UNC13C: variants seen among roughly 807,000 people sequenced by gnomAD.
The protein encoded by UNC13C is protein unc-13 homolog C.
A neutral mutation model predicts 245.4 loss-of-function variants in UNC13C; 174 were observed. The observed-to-expected ratio is 0.71, with a 90% CI of 0.63 to 0.80. The LOEUF (loss-of-function observed/expected upper bound fraction) is 0.80. Ranked by LOEUF, UNC13C falls within the 30% of genes least tolerant of loss-of-function variation. The pLI is 0.00. For missense variants in UNC13C, 2,829 were observed against 2,602.9 expected, an observed-to-expected ratio of 1.09 and a Z score of -1.89; for synonymous variants, 992 against 895.1, an observed-to-expected ratio of 1.11 and a Z score of -1.93.
chr15:54,225,485 T>A (rs1466562415), intron 4 of UNC13C, among the ~76,000 whole-genome samples: 1 of 152,236 alleles, frequency 6.6e-6, no homozygotes, highest in Non-Finnish European at 1.5e-5. Flanking sequence ...TCTGATTTCC[T>A]TGAGTGGTGG....
At chr15:54,224,843 AG>A (rs2035329562) in intron 4 of UNC13C, among the ~76,000 whole-genome samples, 1 of 152,116 alleles carries the variant, frequency 6.6e-6, no homozygotes, top group Non-Finnish European at 1.5e-5. Context: ...TGGTCTGTTC[AG>A]GTCTTGAATC....
intron 7 of UNC13C, among the ~76,000 whole-genome samples, chr15:54,249,068 A>T (rs992628759): frequency 6.6e-6 from 1 of 152,198 alleles, no homozygotes; most frequent in Non-Finnish European, 1.5e-5. Context: ...ATATCCATTC[A>T]TTATGCATCA....
intron 4 of UNC13C, among the ~76,000 whole-genome samples, chr15:54,218,549 G>C (rs1420406951): frequency 6.6e-6 from 1 of 151,960 alleles, no homozygotes; most frequent in Non-Finnish European, 1.5e-5. Flanking sequence ...AGGATGGCTG[G>C]AACAATGAAG....
At chr15:54,167,500 C>CAAAAAAA (rs67762910) in intron 4 of UNC13C, among the ~76,000 whole-genome samples, 1 of 90,652 alleles carries the variant, frequency 1.1e-5, no homozygotes. Context: ...ACACTCGTCT[C>CAAAAAAA]AAAAAAAAAA....
intron 19 of UNC13C, among the ~76,000 whole-genome samples, chr15:54,453,550 C>T (rs143645377): frequency 1.3e-5 from 2 of 152,172 alleles, no homozygotes; most frequent in Non-Finnish European, 2.9e-5. Flanking sequence ...TTTTTAAGTA[C>T]TGTAAATAAT....
At chr15:54,312,508 C>T (rs1039533162) in intron 13 of UNC13C, among the ~76,000 whole-genome samples, 1 of 151,758 alleles carries the variant, frequency 6.6e-6, no homozygotes, top group African/African-American at 2.4e-5. Context: ...TTTTGTCTTG[C>T]TAAAAGCAGA....
chr15:54,535,211 G>C (rs1006225844), intron 26 of UNC13C, among the ~76,000 whole-genome samples: 2 of 151,794 alleles, frequency 1.3e-5, no homozygotes, highest in African/African-American at 4.8e-5. Flanking sequence ...AAAAGAGCAG[G>C]GGTTGCTATT....
At chr15:54,517,707 A>G (rs750040973) in intron 24 of UNC13C, among the ~76,000 whole-genome samples, 1 of 152,144 alleles carries the variant, frequency 6.6e-6, no homozygotes, top group African/African-American at 2.4e-5. Flanking sequence ...TGAGCTGTAA[A>G]TTTTACTAGG....
intron 13 of UNC13C, among the ~76,000 whole-genome samples, chr15:54,314,234 A>C (rs1470908222): frequency 6.6e-6 from 1 of 151,722 alleles, no homozygotes; most frequent in South Asian, 2.1e-4. Context: ...ATTTTACAAC[A>C]TGGTGACTAT....
chr15:54,561,476 T>C (rs1897298191), intron 29 of UNC13C, among the ~76,000 whole-genome samples: 1 of 151,916 alleles, frequency 6.6e-6, no homozygotes, highest in Non-Finnish European at 1.5e-5. Context: ...GAAAGTTTTT[T>C]TTTGGAGGAA....
chr15:53,923,826 G>A, the UNC13C span, among the ~76,000 whole-genome samples: 1 of 152,232 alleles, frequency 6.6e-6, no homozygotes, highest in Non-Finnish European at 1.5e-5. Flanking sequence ...GATAGATGGA[G>A]CTAGAGTTAA....
At chr15:54,476,463 T>G (rs1423700556) in intron 19 of UNC13C, among the ~76,000 whole-genome samples, 1 of 140,686 alleles carries the variant, frequency 7.1e-6, no homozygotes, top group East Asian at 2.4e-4. Context: ...AAGTCTTTAA[T>G]CTATCTTGAA....
At chr15:54,209,421 T>G (rs961095326) in intron 4 of UNC13C, among the ~76,000 whole-genome samples, 3 of 81,950 alleles carry the variant, frequency 3.7e-5, no homozygotes, top group African/African-American at 1.4e-4. Context: ...TGGTTTTTTG[T>G]TTTTTTTTGA....
the UNC13C span, among the ~76,000 whole-genome samples, chr15:53,904,619 G>A: frequency 1.3e-5 from 2 of 152,044 alleles, no homozygotes; most frequent in African/African-American, 4.8e-5. Context: ...TACAAAGTAC[G>A]ATATTCTGAA....
intron 19 of UNC13C, among the ~76,000 whole-genome samples, chr15:54,480,069 A>T (rs1185114043): frequency 6.6e-6 from 1 of 151,988 alleles, no homozygotes; most frequent in East Asian, 1.9e-4. Context: ...CTTATATGTG[A>T]GTTGACTTTT....
chr15:54,337,358 G>A lies in UNC13C; in HGVS notation c.4585-1003G>A, dbSNP rs59966258. ...TAACCAGAACTTTTCCACAACTGTA[G>A]ATTCATTTATCCAAATATCTTCTTG... On this transcript the variant is annotated intron_variant, in intron 16 of 32. Transcript: ENST00000260323. 3.9e-3 allele frequency among the ~76,000 whole-genome samples: 598 copies of A among 152,202 alleles called. 25 individuals carry two copies. The East Asian group carries it at 0.084, about 21-fold the overall frequency.
chr15:54,549,900 C>T (rs1314031935), intron 28 of UNC13C, among the ~76,000 whole-genome samples: 1 of 152,088 alleles, frequency 6.6e-6, no homozygotes, highest in Non-Finnish European at 1.5e-5. Flanking sequence ...TATTTTCTTT[C>T]ATATATTAAA....
chr15:54,356,634 C>T (rs2039101480), intron 17 of UNC13C, among the ~76,000 whole-genome samples: 1 of 152,142 alleles, frequency 6.6e-6, no homozygotes, highest in South Asian at 2.1e-4. Context: ...CATTAGGGCC[C>T]AGGTCTCATT....
chr15:54,014,336 G>A lies in UNC13C; in HGVS notation c.1433G>A (p.Ser478Asn), dbSNP rs1276140105. The A allele has an allele frequency of 2.5e-6, 4 of 1,613,744 alleles. No individual in the cohort carries two copies. The African/African-American group carries it at 5.3e-5, about 22-fold the overall frequency. ...AAGTCAGAGCTTCTAACAAAGGGAA[G>A]TACTTCCAAGCCAAGCTCAAAATCA... ...LSKSELLTKG[S>N]TSKPSSKSHS... The change falls in exon 2 of 33, where the codon AGT (serine) becomes AAT (asparagine). Residue 478 changes from serine to asparagine, a missense_variant. Transcript: ENST00000260323.
Sources: gnomAD v4.1 joint callset for allele counts (sites outside exome capture counted in the v4.1 genomes callset) on GRCh38, gnomAD v4.1.1 for gene constraint, MANE v1.5 for transcripts, NCBI Gene and HGNC (gene_info 2026-07-23, HGNC 2026-07-21) for gene names.